UNC13C: variants seen among roughly 807,000 people sequenced by gnomAD.
The protein encoded by UNC13C is unc-13 homolog C.
Under a neutral mutation model 245.4 loss-of-function variants are expected in UNC13C, and 174 were observed. That is an observed-to-expected ratio of 0.71 (90% CI 0.63 to 0.80). The LOEUF is 0.80. Among genes scored for constraint, UNC13C ranks in the 30% least tolerant of loss-of-function variants. The pLI is 0.00. For missense variants in UNC13C, 2,829 were observed against 2,602.9 expected, an observed-to-expected ratio of 1.09 and a Z score of -1.89; for synonymous variants, 992 against 895.1, an observed-to-expected ratio of 1.11 and a Z score of -1.93.
At chr15:54,249,035 C>T (rs2036070941) in intron 7 of UNC13C, among the ~76,000 whole-genome samples, 1 of 152,192 alleles carries the variant, frequency 6.6e-6, no homozygotes, top group African/African-American at 2.4e-5. Flanking sequence ...ACCAGCTAGA[C>T]TCTTCCTACA....
At chr15:54,036,211 C>T (rs1490065879) in intron 2 of UNC13C, among the ~76,000 whole-genome samples, 1 of 152,134 alleles carries the variant, frequency 6.6e-6, no homozygotes, top group Non-Finnish European at 1.5e-5. Context: ...CCCTGGCACC[C>T]TAATATGCCA....
intron 23 of UNC13C, among the ~76,000 whole-genome samples, chr15:54,507,619 C>A (rs1894531557): frequency 6.6e-6 from 1 of 151,960 alleles, no homozygotes; most frequent in Admixed American, 6.6e-5. Flanking sequence ...TGGAACAATG[C>A]TGATTTCTAT....
At chr15:54,229,149 G>A (rs947687147) in intron 4 of UNC13C, among the ~76,000 whole-genome samples, 10 of 152,092 alleles carry the variant, frequency 6.6e-5, no homozygotes, top group East Asian at 1.9e-4. Context: ...ATGTTCCAAC[G>A]CAAAGTCCTG....
chr15:53,939,262 C>T, the UNC13C span, among the ~76,000 whole-genome samples: 5 of 152,116 alleles, frequency 3.3e-5, no homozygotes, highest in East Asian at 1.9e-4. Flanking sequence ...TTCCTGGACA[C>T]GTACACCGTC....
chr15:54,587,724 C>T (rs1280867411), intron 30 of UNC13C, among the ~76,000 whole-genome samples: 1 of 152,132 alleles, frequency 6.6e-6, no homozygotes, highest in Non-Finnish European at 1.5e-5. Context: ...CCACCCACCT[C>T]CCCATGCCCA....
chr15:54,314,882 A>T (rs2414299), intron 13 of UNC13C, among the ~76,000 whole-genome samples: 4 of 151,526 alleles, frequency 2.6e-5, no homozygotes, highest in Admixed American at 2.6e-4. Context: ...TCAAGGTTTT[A>T]TATCTTAGAG....
chr15:54,171,017 C>G (rs1299285014), intron 4 of UNC13C, among the ~76,000 whole-genome samples: 1 of 152,112 alleles, frequency 6.6e-6, no homozygotes, highest in Non-Finnish European at 1.5e-5. Context: ...ACATTATATG[C>G]AGTAAAACAA....
At chr15:54,203,474 A>ATGTG (rs139567710) in intron 4 of UNC13C, among the ~76,000 whole-genome samples, 23,449 of 132,892 alleles carry the variant, frequency 0.18, 2,509 homozygotes, top group East Asian at 0.28. Flanking sequence ...GTGTGTGTAT[A>ATGTG]TGTGTGTGTG....
At chr15:54,080,959 C>A (rs1898909082) in intron 2 of UNC13C, among the ~76,000 whole-genome samples, 1 of 151,950 alleles carries the variant, frequency 6.6e-6, no homozygotes, top group Non-Finnish European at 1.5e-5. Flanking sequence ...TATAAAATTT[C>A]CTCTTAACAC....
intron 23 of UNC13C, among the ~76,000 whole-genome samples, chr15:54,508,340 C>T (rs1894576391): frequency 1.3e-5 from 2 of 151,984 alleles, no homozygotes; most frequent in South Asian, 4.2e-4. Flanking sequence ...AGGCTAATTC[C>T]TGCCATTCAG....
chr15:54,314,897 G>T (rs2037970758), intron 13 of UNC13C, among the ~76,000 whole-genome samples: 2 of 151,720 alleles, frequency 1.3e-5, no homozygotes, highest in South Asian at 4.1e-4. Context: ...TTAGAGATCA[G>T]AAGCAGACAG....
intron 4 of UNC13C, among the ~76,000 whole-genome samples, chr15:54,161,645 T>A (rs988751490): frequency 2.1e-4 from 32 of 152,054 alleles, no homozygotes; most frequent in African/African-American, 7.5e-4. Flanking sequence ...TTTTGTCAGT[T>A]ATCATTAAAA....
At chr15:54,318,399 T>A (rs924307945) in intron 13 of UNC13C, among the ~76,000 whole-genome samples, 2 of 151,918 alleles carry the variant, frequency 1.3e-5, no homozygotes, top group African/African-American at 4.8e-5. Flanking sequence ...TTACCTCTTA[T>A]CTTTTGGGTA....
At chr15:54,399,720 G>A (rs937722621) in intron 18 of UNC13C, among the ~76,000 whole-genome samples, 12 of 151,704 alleles carry the variant, frequency 7.9e-5, no homozygotes, top group East Asian at 1.9e-4. Flanking sequence ...TTCCCCTCTC[G>A]GGGTTATGTG....
intron 2 of UNC13C, among the ~76,000 whole-genome samples, chr15:54,035,287 C>T (rs1476046571): frequency 2.0e-5 from 3 of 152,112 alleles, no homozygotes; most frequent in Non-Finnish European, 4.4e-5. Context: ...ATCCAAAGTG[C>T]AGAATAGCAT....
chr15:54,261,678 G>T (rs1233458423), intron 8 of UNC13C, among the ~76,000 whole-genome samples: 1 of 152,056 alleles, frequency 6.6e-6, no homozygotes, highest in East Asian at 1.9e-4. Flanking sequence ...GAGGTAGCTG[G>T]GACTACAGGC....
At chr15:54,535,261 C>CA (rs568697983) in intron 26 of UNC13C, among the ~76,000 whole-genome samples, 26 of 151,852 alleles carry the variant, frequency 1.7e-4, no homozygotes, top group African/African-American at 4.1e-4. Flanking sequence ...AACAATGATC[C>CA]AAAAAAACCC....
At chr15:54,305,713 C>T (rs2037708375) in intron 13 of UNC13C, among the ~76,000 whole-genome samples, 1 of 151,812 alleles carries the variant, frequency 6.6e-6, no homozygotes, top group African/African-American at 2.4e-5. Flanking sequence ...CCTCTTAATT[C>T]TTAAAAAAAC....
intron 2 of UNC13C, among the ~76,000 whole-genome samples, chr15:54,085,899 A>G (rs564319554): frequency 6.6e-6 from 1 of 152,266 alleles, no homozygotes; most frequent in South Asian, 2.1e-4. Context: ...TTATGAAACG[A>G]TTGTTGGAGC....
Sources: allele counts gnomAD v4.1 joint callset (sites outside exome capture counted in the v4.1 genomes callset), GRCh38; gene constraint gnomAD v4.1.1; transcripts MANE v1.5; gene names NCBI Gene and HGNC (gene_info 2026-07-23, HGNC 2026-07-21).